The following SCIMP variants were observed in gnomAD, a reference collection of about 807,000 sequenced individuals.
SCIMP encodes the protein SLP adaptor and CSK interacting membrane protein, also known as SLP adapter and CSK-interacting membrane protein.
SCIMP carries 18 observed loss-of-function variants against 22.0 expected under a neutral mutation model. That is an observed-to-expected ratio of 0.82 (90% CI 0.56 to 1.21). The LOEUF is 1.21. Ranked by LOEUF, SCIMP falls within the 50% of genes most tolerant of loss-of-function variation. The pLI is 0.00. For synonymous variants in SCIMP, 53 were observed against 62.2 expected, an observed-to-expected ratio of 0.85 and a Z score of 0.70; for missense variants, 155 against 171.2, an observed-to-expected ratio of 0.91 and a Z score of 0.53.
intron 1 of SCIMP, among the ~76,000 whole-genome samples, chr17:5,232,712 CTTCTT>C (rs2074712140): frequency 6.7e-6 from 1 of 148,824 alleles, no homozygotes; most frequent in Non-Finnish European, 1.5e-5. Context: ...ACTCGTTCTT[CTTCTT>C]TTTTTTTTTT....
At chr17:5,233,227 G>A (rs1048998794) in intron 1 of SCIMP, among the ~76,000 whole-genome samples, 11 of 152,000 alleles carry the variant, frequency 7.2e-5, no homozygotes, top group African/African-American at 2.4e-4. Flanking sequence ...CCCCGCTTCA[G>A]CCCATCAGCC....
At chr17:5,218,032 T>A (rs1322847316) in intron 3 of SCIMP, among the ~76,000 whole-genome samples, 1 of 146,556 alleles carries the variant, frequency 6.8e-6, no homozygotes, top group Non-Finnish European at 1.5e-5. Context: ...CCCACCAACA[T>A]TTTTTTTTTT....
chr17:5,220,603 G>C lies in SCIMP; in HGVS notation c.209+684C>G, dbSNP rs531017216. On this transcript the variant is annotated intron_variant, in intron 3 of 4. Coordinates refer to ENST00000574081, the MANE Select transcript of SCIMP (RefSeq NM_207103.3). ...AATACAAAATACAAAAAGTAGCTGG[G>C]TATGCTGGCGTGTGCCTGTAATCTC... Among the ~76,000 whole-genome samples the C allele has an allele frequency of 1.2e-4, 18 of 152,080 alleles. No homozygotes were observed. The South Asian group carries it at 2.7e-3, about 23-fold the overall frequency.
intron 3 of SCIMP, among the ~76,000 whole-genome samples, chr17:5,219,960 G>A (rs1193874170): frequency 6.6e-6 from 1 of 152,170 alleles, no homozygotes; most frequent in Non-Finnish European, 1.5e-5. Flanking sequence ...CCTGCTTTCT[G>A]CTAGACCCCA....
At chr17:5,232,010 T>A (rs373324664) in intron 1 of SCIMP, among the ~76,000 whole-genome samples, 6 of 151,878 alleles carry the variant, frequency 4.0e-5, no homozygotes, top group East Asian at 3.9e-4. Context: ...GAGCCGAGAT[T>A]GCGCCACTGC....
chr17:5,217,070 AC>A (rs2074570634), intron 3 of SCIMP, among the ~76,000 whole-genome samples: 1 of 152,072 alleles, frequency 6.6e-6, no homozygotes, highest in Admixed American at 6.6e-5. Flanking sequence ...GTAGAGCTCC[AC>A]CGGCGGCTCT....
At chr17:5,221,252 A>C (rs1424889805) in intron 3 of SCIMP, 35 bp downstream of exon 3, 3 of 1,512,260 alleles carry the variant, frequency 2.0e-6, no homozygotes, top group Non-Finnish European at 1.8e-6. Context: ...GGCAGTTCTC[A>C]ACAGTAAAAA....
At chr17:5,234,554 C>G in intron 1 of SCIMP, 181 bp downstream of exon 1, 2 of 642,694 alleles carry the variant, frequency 3.1e-6, no homozygotes, top group South Asian at 3.7e-5. Context: ...ACCAGTAGAG[C>G]AGATCCTTCA....
intron 1 of SCIMP, among the ~76,000 whole-genome samples, chr17:5,232,706 GTTC>G (rs958345924): frequency 9.3e-5 from 14 of 150,280 alleles, no homozygotes; most frequent in Admixed American, 2.0e-4. Flanking sequence ...GTTCCCACTC[GTTC>G]TTCTTCTTTT....
chr17:5,217,381 TG>T (rs1555613353), intron 3 of SCIMP, among the ~76,000 whole-genome samples: 1 of 14,878 alleles, frequency 6.7e-5, no homozygotes, highest in African/African-American at 4.2e-4. Context: ...TTTGTTTGCT[TG>T]TGTGTGTGTG....
intron 3 of SCIMP, among the ~76,000 whole-genome samples, chr17:5,220,102 C>T (rs2074594784): frequency 6.6e-6 from 1 of 152,056 alleles, no homozygotes; most frequent in Admixed American, 6.6e-5. Flanking sequence ...CTTGGAGATC[C>T]CCAACGCAGA....
chr17:5,220,182 G>T (rs73976325), intron 3 of SCIMP, among the ~76,000 whole-genome samples: 5 of 152,010 alleles, frequency 3.3e-5, no homozygotes, highest in East Asian at 1.9e-4. Flanking sequence ...TTTCTTCAGC[G>T]CAGTAGCTTT....
At chr17:5,227,458 C>T (rs1468139857) in intron 1 of SCIMP, among the ~76,000 whole-genome samples, 4 of 152,066 alleles carry the variant, frequency 2.6e-5, no homozygotes, top group African/African-American at 7.2e-5. Flanking sequence ...TCAAGTGATC[C>T]GCATGCCTCG....
At chr17:5,230,572 G>T (rs1021691420) in intron 1 of SCIMP, among the ~76,000 whole-genome samples, 2 of 152,156 alleles carry the variant, frequency 1.3e-5, no homozygotes, top group Non-Finnish European at 2.9e-5. Context: ...GATTAGGCCT[G>T]CAGAACTTAA....
At chr17:5,216,754 A>C (rs1479615232) in intron 3 of SCIMP, among the ~76,000 whole-genome samples, 3 of 152,212 alleles carry the variant, frequency 2.0e-5, no homozygotes, top group Non-Finnish European at 4.4e-5. Flanking sequence ...TAATGGTTGA[A>C]AGGCTGTATA....
chr17:5,223,851 A>G lies in SCIMP; in HGVS notation c.22-395T>C, dbSNP rs185926036. Among the ~76,000 whole-genome samples the G allele has an allele frequency of 2.6e-5, 4 of 152,166 alleles. No homozygotes were observed. The East Asian group carries it at 7.7e-4, about 29-fold the overall frequency. On this transcript the variant is annotated intron_variant, in intron 1 of 4. Transcript: ENST00000574081. ...AGACATGAGCCACCGTGCCCAGCTA[A>G]TCTACTGTGTTGTGTAGAGATGCAG...
chr17:5,212,363 G>A (rs549061869), intron 4 of SCIMP, among the ~76,000 whole-genome samples: 14 of 151,992 alleles, frequency 9.2e-5, no homozygotes, highest in African/African-American at 3.1e-4. Flanking sequence ...GGCCGGGCGC[G>A]GTGGCTCACG....
chr17:5,211,060 T>A, intron 4 of SCIMP, 105 bp from the exon 5 acceptor site: 2 of 1,471,802 alleles, frequency 1.4e-6, no homozygotes, highest in Non-Finnish European at 1.8e-6. Context: ...TCTTCCCACT[T>A]CTAGTGGGCC....
At chr17:5,217,808 A>G (rs1387759152) in intron 3 of SCIMP, among the ~76,000 whole-genome samples, 1 of 151,504 alleles carries the variant, frequency 6.6e-6, no homozygotes, top group Non-Finnish European at 1.5e-5. Context: ...AATCCATTCT[A>G]TCGTTGTTGG....
Sources: allele counts gnomAD v4.1 joint callset (sites outside exome capture counted in the v4.1 genomes callset), GRCh38; gene constraint gnomAD v4.1.1; transcripts MANE v1.5; gene names NCBI Gene and HGNC (gene_info 2026-07-23, HGNC 2026-07-21).